Variants in ATP11B observed in about 807,000 individuals in gnomAD.
The protein encoded by ATP11B is ATPase phospholipid transporting 11B (putative), also known as phospholipid-transporting ATPase IF.
A neutral mutation model predicts 157.8 loss-of-function variants in ATP11B; 81 were observed. That is an observed-to-expected ratio of 0.51 (90% CI 0.43 to 0.62). The LOEUF is 0.62. ATP11B is among the 20% of genes least tolerant of loss of function. The pLI, the probability that ATP11B is intolerant of heterozygous loss-of-function variation, is 0.00. For synonymous variants in ATP11B, 451 were observed against 469.4 expected, an observed-to-expected ratio of 0.96 and a Z score of 0.51; for missense variants, 1,165 against 1,402.2, an observed-to-expected ratio of 0.83 and a Z score of 2.70.
chr3:182,798,419 C>G (rs998225047), intron 1 of ATP11B, among the ~76,000 whole-genome samples: 5 of 152,162 alleles, frequency 3.3e-5, no homozygotes, highest in Non-Finnish European at 5.9e-5. Flanking sequence ...GAAGCACTGG[C>G]CTAGGGTGGT....
chr3:182,828,394 G>C (rs1717871938), intron 3 of ATP11B, among the ~76,000 whole-genome samples, 185 bp downstream of exon 3: 1 of 151,992 alleles, frequency 6.6e-6, no homozygotes, highest in African/African-American at 2.4e-5. Context: ...GAAATAGCCT[G>C]TAAACTTTAA....
chr3:182,828,136 T>C lies in ATP11B; in HGVS notation c.161T>C (p.Phe54Ser), dbSNP rs772094724. 2 of 1,468,742 alleles carry C rather than the reference T, an allele frequency of 1.4e-6. No homozygotes were observed. The highest frequency in any genetic ancestry group is 4.3e-5 in the Admixed American group (2 of 46,198). 91.0% of individuals were successfully genotyped at this position (1,468,742 alleles called of 1,614,324 possible). A position where few individuals can be genotyped will look rare whatever the true frequency, so the allele number is the denominator to read the frequency against. The change falls in exon 3 of 30, where the codon TTT becomes TCT. Residue 54 changes from phenylalanine to serine, a missense_variant. Around this residue, in one of 4 missense-constraint regions of ATP11B, gnomAD observed 91 missense variants for 95.8 expected, o/e 0.95. Transcript: ENST00000323116. ...TCTTTTTAGTACACTGTGTGGAATT[T>C]TGTTCCAAAAAATTTATTTGAACAG... ...IISSKYTVWNFVPKNLFEQFR... is the reference protein window; with the variant it reads ...IISSKYTVWNSVPKNLFEQFR...
intron 10 of ATP11B, among the ~76,000 whole-genome samples, chr3:182,857,177 G>A (rs1054732062): frequency 1.2e-4 from 18 of 152,220 alleles, no homozygotes; most frequent in Admixed American, 3.3e-4. Context: ...ACAGAGTCTC[G>A]CTCTGTCGCC....
intron 3 of ATP11B, 54 bp downstream of exon 3, chr3:182,828,263 C>T: frequency 1.1e-6 from 1 of 885,998 alleles, no homozygotes; most frequent in Non-Finnish European, 1.7e-6. Flanking sequence ...AAAAATATGT[C>T]TTGGAACAAA....
intron 15 of ATP11B, among the ~76,000 whole-genome samples, chr3:182,867,658 A>C (rs1158751729): frequency 7.3e-6 from 1 of 137,214 alleles, no homozygotes; most frequent in Non-Finnish European, 1.5e-5. Context: ...ATCTTGGCTC[A>C]CTGCAGCCTC....
chr3:182,855,886 C>A (rs1485719115), intron 10 of ATP11B, among the ~76,000 whole-genome samples: 1 of 151,972 alleles, frequency 6.6e-6, no homozygotes, highest in African/African-American at 2.4e-5. Flanking sequence ...GTGATAATAC[C>A]AAATGGCTAG....
chr3:182,794,719 C>T (rs1207751614), intron 1 of ATP11B, among the ~76,000 whole-genome samples: 2 of 152,190 alleles, frequency 1.3e-5, no homozygotes, highest in African/African-American at 2.4e-5. Flanking sequence ...GAAAGTACAG[C>T]ATTAAGGCAG....
At chr3:182,829,823 G>C in intron 4 of ATP11B, 71 bp downstream of exon 4, 1 of 1,425,026 alleles carries the variant, frequency 7.0e-7, no homozygotes, top group South Asian at 1.4e-5. Context: ...CCACTCCAAA[G>C]TAACATTTAT....
chr3:182,828,567 G>A (rs1717885070), intron 3 of ATP11B, among the ~76,000 whole-genome samples: 1 of 151,882 alleles, frequency 6.6e-6, no homozygotes, highest in African/African-American at 2.4e-5. Flanking sequence ...TCTGCCTGTG[G>A]AATCATCTTT....
chr3:182,894,669 C>T (rs1051069985), intron 25 of ATP11B, among the ~76,000 whole-genome samples: 19 of 152,202 alleles, frequency 1.2e-4, no homozygotes, highest in African/African-American at 4.6e-4. Context: ...ATGGCTTCTT[C>T]TAGGACCTTG....
intron 1 of ATP11B, among the ~76,000 whole-genome samples, chr3:182,804,110 C>T (rs540595441): frequency 6.6e-6 from 1 of 152,086 alleles, no homozygotes; most frequent in East Asian, 1.9e-4. Flanking sequence ...TAAGTTTCTT[C>T]ATATTTTTTC....
chr3:182,843,860 A>G (rs955659452), intron 8 of ATP11B: 1 of 152,186 alleles, frequency 6.6e-6, no homozygotes, highest in African/African-American at 2.4e-5. Context: ...AATACCATAC[A>G]TTCACATTGA....
chr3:182,831,779 TTTTTTTCC>T (rs1718167985), intron 4 of ATP11B, among the ~76,000 whole-genome samples: 1 of 152,160 alleles, frequency 6.6e-6, no homozygotes, highest in African/African-American at 2.4e-5. Flanking sequence ...TAGTCTGTCC[TTTTTTTCC>T]TTCATATCAT....
At chr3:182,806,207 T>C (rs1716320495) in intron 1 of ATP11B, among the ~76,000 whole-genome samples, 1 of 152,188 alleles carries the variant, frequency 6.6e-6, no homozygotes, top group Admixed American at 6.5e-5. Flanking sequence ...CTTTCTGACA[T>C]TTATTATTGC....
intron 1 of ATP11B, among the ~76,000 whole-genome samples, chr3:182,799,522 G>A (rs148701891): frequency 0.021 from 3,229 of 152,080 alleles, 55 homozygotes; most frequent in South Asian, 0.04. Context: ...TGATCCGCCC[G>A]CCTCGGCCTC....
At chr3:182,814,302 TG>T (rs1255703453) in intron 1 of ATP11B, among the ~76,000 whole-genome samples, 1 of 152,002 alleles carries the variant, frequency 6.6e-6, no homozygotes, top group Non-Finnish European at 1.5e-5. Context: ...TGACCTCAGG[TG>T]ATTTGTCCAC....
chr3:182,816,148 GA>G (rs1025141091), intron 1 of ATP11B, among the ~76,000 whole-genome samples: 3 of 148,534 alleles, frequency 2.0e-5, no homozygotes, highest in Admixed American at 1.3e-4. Flanking sequence ...AGTCCAGTAA[GA>G]AAAAAAAAGG....
At chr3:182,812,542 T>C (rs909456964) in intron 1 of ATP11B, among the ~76,000 whole-genome samples, 2 of 152,190 alleles carry the variant, frequency 1.3e-5, no homozygotes, top group African/African-American at 4.8e-5. Context: ...AACTAAACCT[T>C]ACACATTTAT....
At chr3:182,853,256 G>A (rs934722567) in intron 10 of ATP11B, among the ~76,000 whole-genome samples, 3 of 152,164 alleles carry the variant, frequency 2.0e-5, no homozygotes, top group Admixed American at 1.3e-4. Context: ...TCACCAGGCT[G>A]GAGTGCAGTG....
Sources: allele counts gnomAD v4.1 joint callset (sites outside exome capture counted in the v4.1 genomes callset), GRCh38; gene constraint gnomAD v4.1.1; regional missense constraint gnomAD v4.1.1; transcripts MANE v1.5; gene names NCBI Gene and HGNC (gene_info 2026-07-23, HGNC 2026-07-21).